The following RBL1 variants were observed in gnomAD, a reference collection of about 807,000 sequenced individuals.
RBL1 encodes the protein RB transcriptional corepressor like 1.
Under a neutral mutation model 123.0 loss-of-function variants are expected in RBL1, and 82 were observed. The observed-to-expected ratio is 0.67, with a 90% CI of 0.56 to 0.80. The LOEUF is 0.80. RBL1 is among the 30% of genes least tolerant of loss of function. RBL1 has a pLI of 0.00. For synonymous variants in RBL1, 405 were observed against 441.3 expected, an observed-to-expected ratio of 0.92 and a Z score of 1.03; for missense variants, 1,171 against 1,299.6, an observed-to-expected ratio of 0.90 and a Z score of 1.52.
At chr20:37,041,131 T>C (rs533281281) in intron 13 of RBL1, among the ~76,000 whole-genome samples, 1 of 152,174 alleles carries the variant, frequency 6.6e-6, no homozygotes, top group East Asian at 1.9e-4. Flanking sequence ...GTTCTAGTAG[T>C]TTGGGATTAG....
At chr20:37,040,075 C>T in intron 14 of RBL1, 78 bp downstream of exon 14, 1 of 1,579,810 alleles carries the variant, frequency 6.3e-7, no homozygotes, top group Non-Finnish European at 8.6e-7. Flanking sequence ...AACATACTCA[C>T]AAGACTTAAA....
chr20:37,049,574 G>A (rs2064872317), intron 11 of RBL1: 2 of 755,730 alleles, frequency 2.6e-6, no homozygotes, highest in South Asian at 2.7e-5. Flanking sequence ...GATGAGAACG[G>A]CAAAATTAGT....
intron 11 of RBL1, among the ~76,000 whole-genome samples, chr20:37,051,508 T>C (rs1338751284): frequency 2.0e-5 from 3 of 152,178 alleles, no homozygotes; most frequent in African/African-American, 4.8e-5. Context: ...ATTCTGTACA[T>C]AGACAACTAT....
At chr20:37,057,046 TAC>T (rs2065023928) in intron 9 of RBL1, among the ~76,000 whole-genome samples, 1 of 151,686 alleles carries the variant, frequency 6.6e-6, no homozygotes, top group Non-Finnish European at 1.5e-5. Context: ...CCTACCTACC[TAC>T]CTATCTACCT....
intron 21 of RBL1, among the ~76,000 whole-genome samples, chr20:37,000,117 T>C (rs930796540): frequency 2.1e-5 from 3 of 144,910 alleles, no homozygotes; most frequent in Non-Finnish European, 4.5e-5. Context: ...CCGTCTGGGA[T>C]GTGAGGAGCG....
chr20:37,044,035 T>TG (rs1420799360), intron 13 of RBL1, 51 bp downstream of exon 13: 2 of 697,498 alleles, frequency 2.9e-6, no homozygotes, highest in South Asian at 3.8e-5. Context: ...TAAAGCTGGT[T>TG]TTTTTTTTTT....
At chr20:37,073,823 A>C (rs915623176) in intron 2 of RBL1, among the ~76,000 whole-genome samples, 17 of 151,520 alleles carry the variant, frequency 1.1e-4, no homozygotes, top group African/African-American at 4.1e-4. Flanking sequence ...ATTCGAGATG[A>C]GTCTGGGCAA....
intron 3 of RBL1, 65 bp from the exon 4 acceptor site, chr20:37,067,362 G>C (rs924308692): frequency 1.3e-5 from 15 of 1,154,724 alleles, no homozygotes; most frequent in Non-Finnish European, 1.9e-5. Flanking sequence ...AACTGAAATA[G>C]TAAATGTAAA....
At chr20:37,002,723 A>AT (rs889969834) in intron 21 of RBL1, among the ~76,000 whole-genome samples, 45 of 125,102 alleles carry the variant, frequency 3.6e-4, no homozygotes, top group Admixed American at 5.7e-4. Flanking sequence ...GATTTTCAAC[A>AT]TTTTTTTTTT....
chr20:37,007,694 G>T, intron 19 of RBL1, 135 bp from the exon 20 acceptor site: 1 of 790,892 alleles, frequency 1.3e-6, no homozygotes, highest in Non-Finnish European at 1.9e-6. Flanking sequence ...CTGGATTCAA[G>T]TGATCCTCCC....
intron 19 of RBL1, among the ~76,000 whole-genome samples, chr20:37,017,566 G>C (rs2064276127): frequency 6.6e-6 from 1 of 151,482 alleles, no homozygotes; most frequent in Non-Finnish European, 1.5e-5. Flanking sequence ...GTGCAGTCTT[G>C]CCTGTGGTAG....
chr20:37,082,479 C>G (rs1406832706), intron 2 of RBL1, among the ~76,000 whole-genome samples: 1 of 149,338 alleles, frequency 6.7e-6, no homozygotes, highest in Non-Finnish European at 1.5e-5. Context: ...CATACACATA[C>G]AAACACACAC....
intron 21 of RBL1, chr20:37,003,439 G>T: frequency 1.9e-6 from 1 of 521,304 alleles, no homozygotes. Flanking sequence ...TTGCCTTACT[G>T]GTCCCTTCTC....
intron 11 of RBL1, among the ~76,000 whole-genome samples, chr20:37,052,002 A>G (rs1225996601): frequency 6.6e-6 from 1 of 151,960 alleles, no homozygotes; most frequent in Non-Finnish European, 1.5e-5. Context: ...TACCAGGGAC[A>G]GAGAGGAACA....
intron 9 of RBL1, 100 bp from the exon 10 acceptor site, chr20:37,056,358 T>G: frequency 7.7e-7 from 1 of 1,303,370 alleles, no homozygotes; most frequent in South Asian, 1.7e-5. Context: ...CTTCTTTTTT[T>G]TTTTTTTTTT....
chr20:37,052,037 A>T (rs1304827651), intron 11 of RBL1, among the ~76,000 whole-genome samples: 4 of 151,224 alleles, frequency 2.6e-5, no homozygotes, highest in Non-Finnish European at 5.9e-5. Context: ...TTTATTTTTA[A>T]GTTTTTTTTT....
intron 1 of RBL1, among the ~76,000 whole-genome samples, chr20:37,095,060 G>T (rs755688512): frequency 6.6e-6 from 1 of 152,192 alleles, no homozygotes; most frequent in East Asian, 1.9e-4. Context: ...AGGATAAAAT[G>T]CAAGAATGAT....
intron 1 of RBL1, among the ~76,000 whole-genome samples, chr20:37,093,830 G>A (rs751068217): frequency 1.3e-4 from 19 of 151,956 alleles, no homozygotes; most frequent in Non-Finnish European, 2.5e-4. Context: ...TAGTAGAGAC[G>A]GGGTTTCACC....
At chr20:37,036,000 T>C (rs572104619) in intron 14 of RBL1, among the ~76,000 whole-genome samples, 2 of 152,320 alleles carry the variant, frequency 1.3e-5, no homozygotes, top group East Asian at 3.9e-4. Flanking sequence ...TTAGTAAATC[T>C]ATCAGAAGAT....
Sources: allele counts gnomAD v4.1 joint callset (sites outside exome capture counted in the v4.1 genomes callset), GRCh38; gene constraint gnomAD v4.1.1; transcripts MANE v1.5; gene names NCBI Gene and HGNC (gene_info 2026-07-23, HGNC 2026-07-21).